KLHL29: variants seen among roughly 807,000 people sequenced by gnomAD.
The protein encoded by KLHL29 is kelch like family member 29.
A neutral mutation model predicts 80.4 loss-of-function variants in KLHL29; 21 were observed. The observed-to-expected ratio is 0.26, with a 90% confidence interval of 0.19 to 0.38. The LOEUF (loss-of-function observed/expected upper bound fraction) is 0.38, where lower values mean the gene tolerates loss of function less well. Among genes scored for constraint, KLHL29 ranks in the 10% least tolerant of loss-of-function variants. The probability of loss-of-function intolerance (pLI) is 1.00; values close to 1 mark genes in which losing one functional copy is unlikely to be tolerated. For missense variants in KLHL29, 867 were observed against 1,223.9 expected (o/e 0.71, Z 4.35); for synonymous variants, 511 against 526.8 (o/e 0.97, Z 0.41).
chr2:23,450,041 A>T (rs573839073), intron 1 of KLHL29, among the ~76,000 whole-genome samples: 1 of 152,236 alleles, frequency 6.6e-6, no homozygotes, highest in Non-Finnish European at 1.5e-5. Context: ...CAACAAAGAC[A>T]GTCTTTTGAC....
intron 3 of KLHL29, among the ~76,000 whole-genome samples, chr2:23,606,407 G>T (rs576797622): frequency 1.3e-5 from 2 of 152,210 alleles, no homozygotes; most frequent in African/African-American, 4.8e-5. Flanking sequence ...CGCCCTTCCT[G>T]TGACTCACTG....
intron 13 of KLHL29, among the ~76,000 whole-genome samples, chr2:23,706,262 C>A (rs893548743): frequency 3.3e-5 from 5 of 152,202 alleles, no homozygotes; most frequent in Non-Finnish European, 5.9e-5. Context: ...CGCCTTCTGC[C>A]GCTCGCAGGG....
intron 3 of KLHL29, chr2:23,618,064 T>A (rs999169569): frequency 6.6e-6 from 1 of 152,168 alleles, no homozygotes; most frequent in Non-Finnish European, 1.5e-5. Context: ...ACACCGCATC[T>A]CCTGGGAGTG....
Position 23,433,694 on chromosome 2 carries a change from G to A in KLHL29, c.-153-41866G>A, listed in dbSNP as rs979886665. Among the ~76,000 whole-genome samples, 3 of 152,228 alleles carry A rather than the reference G, an allele frequency of 2.0e-5. No homozygotes were observed. The East Asian group carries it at 5.8e-4, about 29-fold the overall frequency. ...TTTGAGAGGTTGAAGTAGGAGGACC[G>A]CTTGAAGCCAGGAGTTCAAGACTAG... On this transcript the variant is annotated intron_variant, in intron 1 of 13. Coordinates refer to ENST00000486442, the MANE Select transcript of KLHL29 (RefSeq NM_052920.2).
chr2:23,647,037 G>A lies in KLHL29; in HGVS notation c.940+4187G>A, dbSNP rs1204714883. On this transcript the variant is annotated intron_variant, in intron 5 of 13. Transcript: ENST00000486442. This position sits in a 1 kb window ranked among gnomAD's most constrained non-coding sequence, Gnocchi z 4.9. ...GGCTAGGGAAGGGGCAGAAGGCCAG[G>A]CCCTCCCCAGCGCAGAGGAGATGGA... Among the ~76,000 whole-genome samples, 1 of 152,190 alleles carries A rather than the reference G, an allele frequency of 6.6e-6. No individual in the cohort carries two copies.
At chr2:23,603,713 C>T in intron 3 of KLHL29, among the ~76,000 whole-genome samples, 1 of 152,224 alleles carries the variant, frequency 6.6e-6, no homozygotes, top group Non-Finnish European at 1.5e-5. Flanking sequence ...GTCTCCAGGC[C>T]AGTCCAGCAT....
At chr2:23,439,664 T>C (rs1454505966) in intron 1 of KLHL29, among the ~76,000 whole-genome samples, 1 of 152,172 alleles carries the variant, frequency 6.6e-6, no homozygotes, top group Non-Finnish European at 1.5e-5. Context: ...GATTGCACTG[T>C]GGTCTGAGAG....
At position 23,703,253 on chromosome 2, in the gene KLHL29, G is replaced by A; in HGVS notation, c.2173G>A (p.Ala725Thr). ...PLPKAVHSAA[A>T]TVCGGKIYVF... ...GCCCAAGGCAGTACACTCTGCTGCA[G>A]CCACAGTGTGTGGCGGCAAGATCTA... Residue 725 changes from alanine (A) to threonine (T), a missense_variant, in exon 12 of 14, where the codon GCC becomes ACC. By Grantham distance (58) the Ala-to-Thr change is moderately conservative. Around this residue, in one of 2 missense-constraint regions of KLHL29, gnomAD observed 443 missense variants for 767.0 expected, o/e 0.58. Coordinates refer to ENST00000486442, the MANE Select transcript of KLHL29 (RefSeq NM_052920.2). 4 of 1,545,188 alleles carry A rather than the reference G, an allele frequency of 2.6e-6. No homozygotes were observed. Among genetic ancestry groups the A allele is most frequent in the Non-Finnish European group, 3.5e-6 (4 of 1,143,814 alleles).
chr2:23,464,551 A>G (rs1236870763), intron 1 of KLHL29, among the ~76,000 whole-genome samples: 1 of 152,064 alleles, frequency 6.6e-6, no homozygotes, highest in Non-Finnish European at 1.5e-5. Context: ...TCCCCTGCCT[A>G]AGCTTTCTGA....
At chr2:23,699,194 C>T (rs996540813) in intron 11 of KLHL29, among the ~76,000 whole-genome samples, 10 of 152,194 alleles carry the variant, frequency 6.6e-5, no homozygotes, top group African/African-American at 2.4e-4. Context: ...AGGCCAGCTT[C>T]CTGGGCTCTG....
At chr2:23,589,151 T>A (rs189552227) in intron 3 of KLHL29, among the ~76,000 whole-genome samples, 43 of 152,362 alleles carry the variant, frequency 2.8e-4, no homozygotes, top group African/African-American at 9.9e-4. Context: ...AATGGCTGAA[T>A]TGAGGCAGAA....
intron 3 of KLHL29, among the ~76,000 whole-genome samples, chr2:23,598,966 C>T (rs1668499596): frequency 6.6e-6 from 1 of 152,224 alleles, no homozygotes; most frequent in South Asian, 2.1e-4. Context: ...CATGAAGCTG[C>T]CATCGCCCAG....
chr2:23,530,490 T>C (rs1421809388), intron 2 of KLHL29, among the ~76,000 whole-genome samples: 2 of 152,190 alleles, frequency 1.3e-5, no homozygotes, highest in Non-Finnish European at 2.9e-5. Flanking sequence ...CCCCCAGCTG[T>C]ACTGTTGAAA....
chr2:23,662,262 G>A (rs907807625), intron 5 of KLHL29, among the ~76,000 whole-genome samples: 17 of 152,152 alleles, frequency 1.1e-4, no homozygotes, highest in African/African-American at 2.7e-4. Flanking sequence ...CTCTCACATC[G>A]TCTCGTCTAG....
chr2:23,675,571 C>T (rs1239539428), intron 5 of KLHL29, among the ~76,000 whole-genome samples: 2 of 152,214 alleles, frequency 1.3e-5, no homozygotes, highest in Admixed American at 6.5e-5. Context: ...GAACCCTGTT[C>T]TGCAGAGCGA....
At chr2:23,410,135 A>G (rs1394075695) in intron 1 of KLHL29, among the ~76,000 whole-genome samples, 1 of 152,238 alleles carries the variant, frequency 6.6e-6, no homozygotes, top group Admixed American at 6.5e-5. Context: ...CTGTGTCTTT[A>G]TTGCAAGAGC....
intron 3 of KLHL29, among the ~76,000 whole-genome samples, chr2:23,582,999 G>A (rs1668024925): frequency 1.3e-5 from 2 of 152,160 alleles, no homozygotes; most frequent in South Asian, 4.2e-4. Flanking sequence ...AAGGAGATTT[G>A]ACAACACAGA....
chr2:23,437,496 T>C (rs1663376467), intron 1 of KLHL29, among the ~76,000 whole-genome samples: 1 of 152,250 alleles, frequency 6.6e-6, no homozygotes, highest in African/African-American at 2.4e-5. Context: ...CAACAGGTTC[T>C]GCTATCTAAT....
chr2:23,523,844 A>G (rs1225858445), intron 2 of KLHL29: 1 of 356,240 alleles, frequency 2.8e-6, no homozygotes, highest in African/African-American at 2.1e-5. Flanking sequence ...CATTTCAACA[A>G]GCTTCTCTTC....
Sources: allele counts gnomAD v4.1 joint callset (sites outside exome capture counted in the v4.1 genomes callset), GRCh38; gene constraint gnomAD v4.1.1; regional missense constraint gnomAD v4.1.1; non-coding constraint Gnocchi (gnomAD v3.1); transcripts MANE v1.5; gene names NCBI Gene and HGNC (gene_info 2026-07-23, HGNC 2026-07-21).